SOX5: variants seen among roughly 807,000 people sequenced by gnomAD.
SOX5 encodes SRY-box transcription factor 5, also known as transcription factor SOX-5.
In SOX5, 9 loss-of-function variants were observed where a neutral mutation model predicts 92.0. The ratio of observed to expected loss-of-function variants is 0.10; its 90% CI spans 0.06 to 0.17. The LOEUF (loss-of-function observed/expected upper bound fraction) is 0.17, where lower values mean the gene tolerates loss of function less well. Among genes scored for constraint, SOX5 ranks in the 10% least tolerant of loss-of-function variants. The pLI is 1.00. For synonymous variants in SOX5, 344 were observed against 336.3 expected (o/e 1.02, Z -0.25); for missense variants, 642 against 944.5 (o/e 0.68, Z 4.20).
At chr12:23,891,904 T>G (rs908643483) in intron 2 of SOX5, among the ~76,000 whole-genome samples, 1 of 152,194 alleles carries the variant, frequency 6.6e-6, no homozygotes, top group African/African-American at 2.4e-5. Context: ...TAGTAGATTC[T>G]ACTTTAGTTC....
intron 6 of SOX5, among the ~76,000 whole-genome samples, chr12:23,704,444 A>G (rs1190970963): frequency 6.6e-6 from 1 of 151,598 alleles, no homozygotes; most frequent in Non-Finnish European, 1.5e-5. Context: ...AATTATTATA[A>G]AGCCATAGCC....
At position 24,036,656 on chromosome 12, in the gene SOX5, C is replaced by T. The variant is rs16927022; in HGVS notation, c.-1-140632G>A. Among the ~76,000 whole-genome samples the T allele has an allele frequency of 4.3e-3, 649 of 152,226 alleles. 5 individuals are homozygous for T. The highest frequency in any genetic ancestry group is 0.015 in the African/African-American group (622 of 41,542). ...AAGGTTTGCTCTGCACCTGATGCTGCTATGACAAATCAGACTGCTTCTAGA... is the reference window on the plus strand; with the variant it reads ...AAGGTTTGCTCTGCACCTGATGCTGTTATGACAAATCAGACTGCTTCTAGA... On this transcript the variant is annotated intron_variant, in intron 4 of 4. Transcript: ENST00000446891.
chr12:23,851,156 A>C (rs1261351145), intron 2 of SOX5, among the ~76,000 whole-genome samples: 1 of 152,122 alleles, frequency 6.6e-6, no homozygotes, highest in Non-Finnish European at 1.5e-5. Context: ...TATATATGTT[A>C]ATATCTTAAA....
At chr12:23,726,872 G>T (rs973892740) in intron 6 of SOX5, among the ~76,000 whole-genome samples, 3 of 152,124 alleles carry the variant, frequency 2.0e-5, no homozygotes, top group Admixed American at 1.3e-4. Context: ...AAGCCCGCTG[G>T]TTCTGTGCCT....
At chr12:23,701,912 T>C (rs376448337) in intron 6 of SOX5, among the ~76,000 whole-genome samples, 2 of 152,098 alleles carry the variant, frequency 1.3e-5, no homozygotes, top group Non-Finnish European at 2.9e-5. Flanking sequence ...TACCAAATTA[T>C]GCCAATCCTT....
chr12:23,865,415 C>G (rs1293165245), intron 2 of SOX5, among the ~76,000 whole-genome samples: 2 of 152,156 alleles, frequency 1.3e-5, no homozygotes. Context: ...GTGGCCCATG[C>G]CTGTAATCAC....
intron 3 of SOX5, among the ~76,000 whole-genome samples, chr12:23,834,991 T>G (rs78337797): frequency 0.08 from 12,088 of 151,932 alleles, 609 homozygotes; most frequent in Middle Eastern, 0.14. Flanking sequence ...GTTCTTGACA[T>G]GGTAAAAATT....
At chr12:24,235,599 A>C (rs1411191574) in intron 3 of SOX5, among the ~76,000 whole-genome samples, 1 of 152,214 alleles carries the variant, frequency 6.6e-6, no homozygotes, top group African/African-American at 2.4e-5. Context: ...TCATATCATA[A>C]ATAAGACCCA....
intron 4 of SOX5, among the ~76,000 whole-genome samples, chr12:24,080,222 T>C (rs1333302994): frequency 6.6e-6 from 1 of 151,972 alleles, no homozygotes; most frequent in Admixed American, 6.6e-5. Flanking sequence ...TGCCTCTGTG[T>C]ATTTTAGTCA....
intron 1 of SOX5, among the ~76,000 whole-genome samples, chr12:23,947,549 A>G (rs74069803): frequency 0.012 from 1,845 of 152,082 alleles, 17 homozygotes; most frequent in Middle Eastern, 0.054. Context: ...AATTACAACC[A>G]CAGGGGAAAT....
chr12:24,559,921 G>A (rs571046753), intron 1 of SOX5, among the ~76,000 whole-genome samples: 1 of 152,254 alleles, frequency 6.6e-6, no homozygotes, highest in South Asian at 2.1e-4. Flanking sequence ...AACAGGTTTT[G>A]GAGTTTTGAA....
intron 8 of SOX5, chr12:23,632,332 T>C (rs1037031637): frequency 6.6e-6 from 1 of 152,156 alleles, no homozygotes; most frequent in Non-Finnish European, 1.5e-5. Context: ...CAGTTGATCA[T>C]TATTCACCCT....
At chr12:24,539,010 A>G (rs1484804182) in intron 1 of SOX5, among the ~76,000 whole-genome samples, 1 of 152,206 alleles carries the variant, frequency 6.6e-6, no homozygotes, top group East Asian at 1.9e-4. Context: ...TCAAAAAGTC[A>G]TGGCAATTAA....
At chr12:23,929,408 T>A (rs1487867761) in intron 1 of SOX5, among the ~76,000 whole-genome samples, 1 of 151,950 alleles carries the variant, frequency 6.6e-6, no homozygotes, top group Non-Finnish European at 1.5e-5. Flanking sequence ...ATAAAAACAT[T>A]CTGTGCTGTG....
chr12:23,799,849 A>G (rs962279922), intron 3 of SOX5, among the ~76,000 whole-genome samples: 3 of 152,056 alleles, frequency 2.0e-5, no homozygotes, highest in Non-Finnish European at 4.4e-5. Context: ...TGAAATTTTA[A>G]CAACTTATTT....
At chr12:23,639,089 G>A (rs542959743) in intron 8 of SOX5, among the ~76,000 whole-genome samples, 2 of 152,110 alleles carry the variant, frequency 1.3e-5, no homozygotes, top group South Asian at 4.1e-4. Flanking sequence ...TCAAATCATA[G>A]TTAAAGTAAG....
chr12:24,193,633 T>A (rs1179321313), intron 4 of SOX5, among the ~76,000 whole-genome samples: 2 of 152,214 alleles, frequency 1.3e-5, no homozygotes, highest in African/African-American at 4.8e-5. Flanking sequence ...TGGCTAATAT[T>A]GAGTAATGAA....
intron 9 of SOX5, among the ~76,000 whole-genome samples, chr12:23,584,275 C>T (rs1474656547): frequency 6.6e-6 from 1 of 152,048 alleles, no homozygotes; most frequent in African/African-American, 2.4e-5. Context: ...ATTAATGAAA[C>T]ACTGATGAAC....
intron 1 of SOX5, among the ~76,000 whole-genome samples, chr12:24,408,107 G>A (rs957876092): frequency 6.6e-6 from 1 of 152,172 alleles, no homozygotes; most frequent in African/African-American, 2.4e-5. Context: ...CAAAGGCCTT[G>A]TGGTGAGAGC....
Sources: gnomAD v4.1 joint callset for allele counts (sites outside exome capture counted in the v4.1 genomes callset) on GRCh38, gnomAD v4.1.1 for gene constraint, MANE v1.5 for transcripts, NCBI Gene and HGNC (gene_info 2026-07-23, HGNC 2026-07-21) for gene names.